The following FBXL6 variants were observed in gnomAD, a reference collection of about 807,000 sequenced individuals.
FBXL6 encodes the protein F-box and leucine rich repeat protein 6.
A neutral mutation model predicts 53.3 loss-of-function variants in FBXL6; 50 were observed. That is an observed-to-expected ratio of 0.94 (90% CI 0.75 to 1.19). The LOEUF (loss-of-function observed/expected upper bound fraction) is 1.19, where lower values mean the gene tolerates loss of function less well. Ranked by LOEUF, FBXL6 falls within the 50% of genes most tolerant of loss-of-function variation. The pLI, the probability that FBXL6 is intolerant of heterozygous loss-of-function variation, is 0.00. For missense variants in FBXL6, 815 were observed against 719.0 expected (o/e 1.13, Z -1.53); for synonymous variants, 405 against 322.9 (o/e 1.25, Z -2.73).
chr8:144,357,964 G>A (rs553219080), intron 1 of FBXL6, 68 bp downstream of exon 1: 106 of 1,494,704 alleles, frequency 7.1e-5, no homozygotes, highest in African/African-American at 2.4e-4. Flanking sequence ...GCCCCCGCCC[G>A]GGCCACCGCT....
rs1818385165 is a variant in FBXL6, at chr8:144,355,966, A to G, written c.1472+2T>C. The G allele has an allele frequency of 6.2e-7, 1 of 1,611,606 alleles. No homozygotes were observed. Among genetic ancestry groups the G allele is most frequent in the Non-Finnish European group, 8.5e-7 (1 of 1,178,938 alleles). ...CCAGGGACTGGGGTAGGGGATGCTG[A>G]CCTGACAGTGCTTGGTGTGACCCGG... On this transcript the variant is annotated splice_donor_variant, in intron 8 of 8. Transcript: ENST00000331890. LOFTEE classifies it high-confidence loss of function.
rs1208215080 is a variant in FBXL6, at chr8:144,356,715, T to C, written c.880-2A>G. ...CTGGAGCTGGGGGCAGCAGCTGCCCTGCAGAGATGGGGGGAGGGGGTAGGT... is the reference window on the plus strand; with the variant it reads ...CTGGAGCTGGGGGCAGCAGCTGCCCCGCAGAGATGGGGGGAGGGGGTAGGT... On this transcript the variant is annotated splice_acceptor_variant, in intron 5 of 8. Transcript: ENST00000331890. LOFTEE classifies it high-confidence loss of function. 5 of 1,611,290 alleles carry C rather than the reference T, an allele frequency of 3.1e-6. No homozygotes were observed. The highest frequency in any genetic ancestry group is 4.2e-6 in the Non-Finnish European group (5 of 1,179,288).
At chr8:144,358,009 G>T in intron 1 of FBXL6, 23 bp downstream of exon 1, 1 of 1,575,678 alleles carries the variant, frequency 6.3e-7, no homozygotes, top group South Asian at 1.1e-5. Flanking sequence ...TACGCTCGGC[G>T]GCGGGCCCGG....
chr8:144,357,302 G>C (rs1554853066), intron 3 of FBXL6, 137 bp downstream of exon 3: 4 of 1,280,016 alleles, frequency 3.1e-6, no homozygotes, highest in Non-Finnish European at 4.3e-6. Flanking sequence ...GGAAACAGCA[G>C]GAAAAGAGAA....
Position 144,355,614 on chromosome 8 carries a change from G to T in FBXL6, c.1537C>A (p.Arg513=), listed in dbSNP as rs137862297. Reference sequence around the variant, plus strand: ...CCCCGGTAGGCCCGCTTCAGACCCCGGGGAAGGCAGCGGCAGGACTCCAGG... The same window carrying T: ...CCCCGGTAGGCCCGCTTCAGACCCCTGGGAAGGCAGCGGCAGGACTCCAGG... The part of the protein sequence containing the change: ...LNLESCRCLP[R]GLKRAYRGLE... Residue 513 remains arginine, a synonymous_variant, in exon 9 of 9, where the codon CGG becomes AGG. Transcript: ENST00000331890. 4.0e-4 allele frequency: 646 copies of T among 1,611,276 alleles called. 3 individuals are homozygous for T. The highest frequency in any genetic ancestry group is 3.5e-4 in the Admixed American group (21 of 60,004).
At chr8:144,356,937 A>C (rs1554852978) in intron 4 of FBXL6, 22 bp from the exon 5 acceptor site, 8 of 1,613,070 alleles carry the variant, frequency 5.0e-6, no homozygotes, top group Middle Eastern at 3.3e-4. Context: ...ATACAAGAGC[A>C]CCCGTCACCC....
rs368813425 is a variant in FBXL6, at chr8:144,356,847, G to A, written c.840C>T (p.Thr280=). 1.3e-5 allele frequency: 21 copies of A among 1,613,288 alleles called. No homozygotes were observed. In the East Asian group the frequency reaches 4.5e-4, roughly 34 times the overall value. Residue 280 remains threonine (T), a synonymous_variant, in exon 5 of 9, where the codon ACC becomes ACT. Coordinates refer to ENST00000331890, the MANE Select transcript of FBXL6 (RefSeq NM_012162.4). ...AGSRMRKLWL[T]YSSQTTAILG... ...GGATGGCTGTCGTCTGGGAGCTGTA[G>A]GTCAGCCACAACTTGCGCATTCGGG...
In FBXL6 at chr8:144,355,577, A is replaced by T. The variant is rs141323222; in HGVS notation, c.1574T>A (p.Val525Asp). The change falls in exon 9 of 9, where the codon GTC (valine) becomes GAC (aspartate). Residue 525 changes from valine (V) to aspartate (D), a missense_variant. Val to Asp is a radical substitution (Grantham distance 152). Transcript: ENST00000331890. Reference protein sequence around the residue: ...LKRAYRGLEEVQWCLEQLLTS... With the variant: ...LKRAYRGLEEDQWCLEQLLTS... ...GAGCAGCTGCTCCAGACACCACTGG[A>T]CTTCCTCCAGGCCCCGGTAGGCCCG... 1 of 1,611,124 alleles carries T rather than the reference A, an allele frequency of 6.2e-7. No homozygotes were observed. The highest frequency in any genetic ancestry group is 8.5e-7 in the Non-Finnish European group (1 of 1,179,940).
In FBXL6 at chr8:144,357,778, C is replaced by T. The variant is rs1818532023; in HGVS notation, c.425G>A (p.Arg142His). ...GGCCTCCTGCCAGCGGCGGCACACG[C>T]GCGCAGCCCTGGGAGGACAGCGTGC... ...GPMPFLGRAA[R>H]VCRRWQEAAS... The change falls in exon 2 of 9, where the codon CGC becomes CAC. Residue 142 changes from arginine to histidine, a missense_variant. Arg to His is a conservative substitution (Grantham distance 29, BLOSUM62 0). Transcript: ENST00000331890. The T allele has an allele frequency of 6.4e-7, 1 of 1,574,314 alleles. No individual in the cohort carries two copies. The highest frequency in any genetic ancestry group is 2.3e-5 in the East Asian group (1 of 43,254).
intron 3 of FBXL6, 103 bp from the exon 4 acceptor site, chr8:144,357,224 CTG>C: frequency 6.7e-7 from 1 of 1,482,582 alleles, no homozygotes; most frequent in South Asian, 1.3e-5. Flanking sequence ...ACCGCCTTAG[CTG>C]TGACCTCCTT....
At chr8:144,357,889 A>C in intron 1 of FBXL6, 103 bp from the exon 2 acceptor site, 1 of 1,438,446 alleles carries the variant, frequency 7.0e-7, no homozygotes, top group Non-Finnish European at 9.1e-7. Flanking sequence ...CTGGGACTCC[A>C]ACTGGGCGCC....
Position 144,355,521 on chromosome 8 carries a change from C to G in FBXL6, c.*10G>C. ...GCAAGCTGGCTGAGGTGTCCCAGGT[C>G]TGTGGCTGCCTAGCTGGGTGAGGGG... On this transcript the variant is annotated 3_prime_UTR_variant, in exon 9 of 9. Coordinates refer to ENST00000331890, the MANE Select transcript of FBXL6 (RefSeq NM_012162.4). 3.7e-6 allele frequency: 6 copies of G among 1,606,632 alleles called. No individual in the cohort carries two copies. Among genetic ancestry groups the G allele is most frequent in the Non-Finnish European group, 5.1e-6 (6 of 1,176,026 alleles).
chr8:144,357,791 G>C lies in FBXL6; in HGVS notation c.417-5C>G. 6.5e-7 allele frequency: 1 copy of C among 1,549,994 alleles called. No homozygotes were observed. Among genetic ancestry groups the C allele is most frequent in the Non-Finnish European group, 8.7e-7 (1 of 1,151,474 alleles). ...CGGCGGCACACGCGCGCAGCCCTGG[G>C]AGGACAGCGTGCTGAGGGTGCCGGC... On this transcript the variant is annotated splice_polypyrimidine_tract_variant and splice_region_variant and intron_variant, in intron 1 of 8. Transcript: ENST00000331890.
At position 144,356,102 on chromosome 8, in the gene FBXL6, G is replaced by C. The variant is rs531001997; in HGVS notation, c.1338C>G (p.Asp446Glu). ...TCTCACTGAACCCCTGGCCACTCAA[G>C]TCCAGTTCTCGCAGTGTATGGCACC... The part of the protein sequence containing the change: ...QKWCHTLREL[D>E]LSGQGFSEKD... The change falls in exon 8 of 9, where the codon GAC (aspartate) becomes GAG (glutamate). Residue 446 changes from aspartate to glutamate, a missense_variant. Transcript: ENST00000331890. 1.2e-6 allele frequency: 2 copies of C among 1,612,992 alleles called. No individual in the cohort carries two copies. The highest frequency in any genetic ancestry group is 1.1e-5 in the South Asian group (1 of 91,092).
Position 144,356,226 on chromosome 8 carries a change from GGAGT to G in FBXL6, c.1226-16_1226-13del, listed in dbSNP as rs781858833. ...AAGCTGCTCCAGCTCTGCAGTGAAA[GGAGT>G]GAGCATAAGCTACAAGGTGACAAGG... On this transcript the variant is annotated splice_polypyrimidine_tract_variant and intron_variant, in intron 7 of 8. Coordinates refer to ENST00000331890, the MANE Select transcript of FBXL6 (RefSeq NM_012162.4). 6 of 1,259,418 alleles carry G rather than the reference GGAGT, an allele frequency of 4.8e-6. No individual in the cohort carries two copies. The highest frequency in any genetic ancestry group is 2.7e-5 in the Admixed American group (1 of 37,564). The allele number at this position is 1,259,418 out of a possible 1,614,324, so 78.0% of individuals were successfully genotyped here. A position where few individuals can be genotyped will look rare whatever the true frequency, so the allele number is the denominator to read the frequency against.
chr8:144,356,623 G>A lies in FBXL6; in HGVS notation c.970C>T (p.Gln324Ter). The A allele has an allele frequency of 6.2e-7, 1 of 1,613,006 alleles. No individual in the cohort carries two copies. The highest frequency in any genetic ancestry group is 8.5e-7 in the Non-Finnish European group (1 of 1,179,976). ...IPLQLPVEAL[Q>*]KGCPQLQVLR... ...ACCTGGAGCTGAGGGCAGCCTTTCT[G>A]CAGAGCCTCGACAGGCAGCTGAAGG... is the stretch of plus-strand genomic sequence containing the variant. Residue 324 changes from glutamine (Q) to a stop codon, truncating the protein, a stop_gained, in exon 6 of 9, where the codon CAG (glutamine) becomes TAG (stop). Transcript: ENST00000331890. LOFTEE classifies it high-confidence loss of function.
chr8:144,358,396 G>A lies in FBXL6; in HGVS notation c.52C>T (p.Arg18Trp). 1.1e-5 allele frequency: 14 copies of A among 1,253,318 alleles called. No individual in the cohort carries two copies. The highest frequency in any genetic ancestry group is 1.4e-5 in the Non-Finnish European group (14 of 999,690). The allele number at this position is 1,253,318 out of a possible 1,614,324, so 77.6% of individuals were successfully genotyped here. Residue 18 changes from arginine to tryptophan, a missense_variant, in exon 1 of 9, where the codon CGG becomes TGG. Arg to Trp is a moderately radical substitution (Grantham distance 101). Transcript: ENST00000331890. ...CACCAGTCCTCGGCCGAGCGGGGCC[G>A]CGGCGCTGCCCGGGCTCTGCGTCGG... Reference protein sequence around the residue: ...QVRRRARAAPRPRSAEDWWWD... With the variant: ...QVRRRARAAPWPRSAEDWWWD...
At chr8:144,355,846 G>A (rs1252948966) in intron 8 of FBXL6, 122 bp downstream of exon 8, 21 of 1,536,722 alleles carry the variant, frequency 1.4e-5, no homozygotes, top group African/African-American at 6.8e-5. Context: ...CAGGGGCTTG[G>A]ACAGTATGCA....
Position 144,358,347 on chromosome 8 carries a change from C to T in FBXL6, c.101G>A (p.Gly34Asp). 5 of 1,268,058 alleles carry T rather than the reference C, an allele frequency of 3.9e-6. No homozygotes were observed. Among genetic ancestry groups the T allele is most frequent in the Non-Finnish European group, 4.0e-6 (4 of 1,008,532 alleles). 78.6% of individuals were successfully genotyped at this position (1,268,058 alleles called of 1,614,324 possible). The stretch of plus-strand genomic sequence containing the variant: ...GGACTGCAGCAGGTGGTACCCCGAG[C>T]CCCTCGGCGCCAGCCGGTCCCACCA... ...DWWWDRLAPR[G>D]SGYHLLQSDS... Residue 34 changes from glycine to aspartate, a missense_variant, in exon 1 of 9, where the codon GGC becomes GAC. Transcript: ENST00000331890.
Sources: gnomAD v4.1 joint callset for allele counts on GRCh38, gnomAD v4.1.1 for gene constraint, MANE v1.5 for transcripts, NCBI Gene and HGNC (gene_info 2026-07-23, HGNC 2026-07-21) for gene names.